PAICS: variants seen among roughly 807,000 people sequenced by gnomAD.
PAICS encodes phosphoribosylaminoimidazole carboxylase and phosphoribosylaminoimidazolesuccinocarboxamide synthase.
PAICS carries 33 observed loss-of-function variants against 53.7 expected under a neutral mutation model. The ratio of observed to expected loss-of-function variants is 0.61; its 90% CI spans 0.47 to 0.82. The LOEUF (loss-of-function observed/expected upper bound fraction) is 0.82. PAICS is among the 40% of genes least tolerant of loss of function. The probability of loss-of-function intolerance (pLI) is 0.00; values close to 1 mark genes in which losing one functional copy is unlikely to be tolerated. For synonymous variants in PAICS, 141 were observed against 167.2 expected, an observed-to-expected ratio of 0.84 and a Z score of 1.21; for missense variants, 394 against 494.1, an observed-to-expected ratio of 0.80 and a Z score of 1.92.
chr4:56,446,221 T>C (rs6816268), intron 2 of PAICS: 168,468 of 581,268 alleles, frequency 0.29, 26,859 homozygotes, highest in Admixed American at 0.46. Context: ...ATGTTGTACA[T>C]TCATCCCATT....
chr4:56,428,893 TTCAAATGATG>T, the PAICS span: 5 of 517,828 alleles, frequency 9.7e-6, no homozygotes, highest in South Asian at 4.1e-4. Flanking sequence ...ATTAATGTGT[TTCAAATGATG>T]TCACATAATG....
intron 3 of PAICS, among the ~76,000 whole-genome samples, chr4:56,447,385 A>G (rs146639631): frequency 9.2e-5 from 14 of 152,306 alleles, no homozygotes; most frequent in African/African-American, 2.2e-4. Context: ...TTATGATTAT[A>G]TAGATCAAGA....
chr4:56,445,801 A>T (rs1346848367), intron 2 of PAICS, among the ~76,000 whole-genome samples: 1 of 152,214 alleles, frequency 6.6e-6, no homozygotes, highest in Non-Finnish European at 1.5e-5. Context: ...CAGGCTGAAA[A>T]TAAGCATTAT....
upstream of PAICS, among the ~76,000 whole-genome samples, chr4:56,430,860 A>G (rs2110068773): frequency 6.6e-6 from 1 of 152,104 alleles, no homozygotes; most frequent in Middle Eastern, 3.4e-3. Flanking sequence ...ATGTTACTGG[A>G]AAACCTGGGG....
At chr4:56,446,581 A>G in intron 2 of PAICS, 114 bp from the exon 3 acceptor site, 1 of 669,148 alleles carries the variant, frequency 1.5e-6, no homozygotes, top group East Asian at 2.7e-5. Context: ...AATTACACTT[A>G]TTTTTGATAG....
chr4:56,453,602 G>T lies in PAICS; in HGVS notation c.953-1G>T, dbSNP rs1364633288. On this transcript the variant is annotated splice_acceptor_variant, in intron 7 of 8. Coordinates refer to ENST00000512576, the MANE Select transcript of PAICS (RefSeq NM_001079524.2). LOFTEE classifies it high-confidence loss of function. ...TAATTATACTCTTGTCATTTCCCTAGGGGATGGCATTCCTACTGTATTTGT... is the reference window on the plus strand; with the variant it reads ...TAATTATACTCTTGTCATTTCCCTATGGGATGGCATTCCTACTGTATTTGT... 6 of 1,585,970 alleles carry T rather than the reference G, an allele frequency of 3.8e-6. No individual in the cohort carries two copies. Among genetic ancestry groups the T allele is most frequent in the Non-Finnish European group, 5.2e-6 (6 of 1,163,028 alleles).
At chr4:56,445,003 A>T (rs1488139491) in intron 2 of PAICS, among the ~76,000 whole-genome samples, 1 of 152,222 alleles carries the variant, frequency 6.6e-6, no homozygotes, top group African/African-American at 2.4e-5. Context: ...GAGCCTGATC[A>T]TTCATTAAAA....
At chr4:56,432,314 G>A (rs991820373), upstream of PAICS, among the ~76,000 whole-genome samples, 4 of 152,036 alleles carry the variant, frequency 2.6e-5, no homozygotes, top group African/African-American at 9.7e-5. Flanking sequence ...GATCACTTGA[G>A]GCCAGGAGTT....
chr4:56,432,257 G>A (rs1208234325), upstream of PAICS, among the ~76,000 whole-genome samples: 1 of 152,110 alleles, frequency 6.6e-6, no homozygotes, highest in Non-Finnish European at 1.5e-5. Flanking sequence ...GCCAGGCATG[G>A]TGGCTCACGC....
At chr4:56,416,340 T>C in the PAICS span, 4 of 559,246 alleles carry the variant, frequency 7.2e-6, no homozygotes, top group Non-Finnish European at 9.1e-6. Context: ...AGGAATTCTG[T>C]TATATTTACA....
intron 8 of PAICS, among the ~76,000 whole-genome samples, chr4:56,458,487 C>G (rs912939602): frequency 1.6e-4 from 25 of 152,154 alleles, no homozygotes; most frequent in African/African-American, 5.8e-4. Flanking sequence ...AGTGTCACAT[C>G]AGGTAGCTAC....
the PAICS span, among the ~76,000 whole-genome samples, chr4:56,428,308 G>A: frequency 0.027 from 4,061 of 152,164 alleles, 200 homozygotes; most frequent in African/African-American, 0.092. Flanking sequence ...CACAGAGGCC[G>A]GAAAATACTG....
the PAICS span, chr4:56,420,322 CAT>C: frequency 6.6e-6 from 1 of 152,208 alleles, no homozygotes; most frequent in Non-Finnish European, 1.5e-5. Flanking sequence ...ATACCCATCA[CAT>C]GAGGTCAAGT....
the PAICS span, among the ~76,000 whole-genome samples, chr4:56,425,660 T>C: frequency 1.3e-5 from 2 of 152,220 alleles, no homozygotes; most frequent in Non-Finnish European, 2.9e-5. Flanking sequence ...GTTGTGTTAA[T>C]GAGGCTACTC....
intron 3 of PAICS, among the ~76,000 whole-genome samples, chr4:56,447,377 A>C (rs1158959370): frequency 1.3e-5 from 2 of 152,168 alleles, no homozygotes; most frequent in Admixed American, 1.3e-4. Context: ...TGTGTGTATT[A>C]TGATTATATA....
chr4:56,433,407 A>G (rs1333536107), upstream of PAICS, among the ~76,000 whole-genome samples: 8 of 149,722 alleles, frequency 5.3e-5, no homozygotes, highest in South Asian at 1.3e-3. Context: ...TAAAAAAAAA[A>G]AAAAAGAAAA....
chr4:56,411,516 C>T, the PAICS span, among the ~76,000 whole-genome samples: 1 of 152,182 alleles, frequency 6.6e-6, no homozygotes, highest in Non-Finnish European at 1.5e-5. Flanking sequence ...TCTTGACGTG[C>T]TGTGTTGTTA....
chr4:56,435,685 A>T, upstream of PAICS: 1 of 1,449,916 alleles, frequency 6.9e-7, no homozygotes, highest in Non-Finnish European at 9.1e-7. Context: ...GAGTCCACCA[A>T]CGAGCGAGGG....
At chr4:56,414,365 T>C in the PAICS span, 1 of 152,184 alleles carries the variant, frequency 6.6e-6, no homozygotes, top group Non-Finnish European at 1.5e-5. Flanking sequence ...ACCAGAGCCA[T>C]GGCAAAAGAC....
Sources: allele counts gnomAD v4.1 joint callset (sites outside exome capture counted in the v4.1 genomes callset), GRCh38; gene constraint gnomAD v4.1.1; transcripts MANE v1.5; gene names NCBI Gene and HGNC (gene_info 2026-07-23, HGNC 2026-07-21).